Variants in ATP2B4 observed in about 807,000 individuals in gnomAD.
ATP2B4 encodes the protein ATPase plasma membrane Ca2+ transporting 4.
A neutral mutation model predicts 110.3 loss-of-function variants in ATP2B4; 39 were observed. That is an observed-to-expected ratio of 0.35 (90% CI 0.27 to 0.46). ATP2B4 has a LOEUF of 0.46. Ranked by LOEUF, ATP2B4 falls within the 20% of genes least tolerant of loss-of-function variation. The pLI is 1.00. For synonymous variants in ATP2B4, 538 were observed against 571.7 expected (o/e 0.94, Z 0.84); for missense variants, 1,135 against 1,530.9 (o/e 0.74, Z 4.32).
chr1:203,686,685 C>T (rs76058439), intron 2 of ATP2B4, among the ~76,000 whole-genome samples: 130 of 42,698 alleles, frequency 3.0e-3, no homozygotes, highest in East Asian at 0.011. Context: ...TCTTTTCTTT[C>T]TTTTTTTTTT....
rs1666981510 is a variant in ATP2B4 at position 203,740,756 on chromosome 1, C to A, written c.*902C>A. 6.6e-6 allele frequency: 1 copy of A among 152,406 alleles called. No individual in the cohort carries two copies. Among genetic ancestry groups the A allele is most frequent in the African/African-American group, 2.4e-5 (1 of 41,578 alleles). The allele number at this position is 152,406 out of a possible 1,614,324, so 9.4% of individuals were successfully genotyped here. On this transcript the variant is annotated 3_prime_UTR_variant, in exon 21 of 21. Transcript: ENST00000357681. ...TACAGTTTTTACCTGAAAGCCTGAG[C>A]TTTCTCTTATTCCTAAAGTGGTGGC...
chr1:203,724,541 C>T (rs1666446014), intron 19 of ATP2B4, among the ~76,000 whole-genome samples: 1 of 151,888 alleles, frequency 6.6e-6, no homozygotes, highest in Non-Finnish European at 1.5e-5. Flanking sequence ...AAGAAAAATC[C>T]CTTAGCTTCT....
At position 203,722,469 on chromosome 1, in the gene ATP2B4, C is replaced by A; in HGVS notation, c.2813-9C>A. The A allele has an allele frequency of 6.2e-7, 1 of 1,605,650 alleles. No homozygotes were observed. The highest frequency in any genetic ancestry group is 1.1e-5 in the South Asian group (1 of 90,898). On this transcript the variant is annotated splice_polypyrimidine_tract_variant and intron_variant, in intron 17 of 20. Transcript: ENST00000357681. ...ACTTAACCTCCAGTGCTTCTCCTCT[C>A]CCCACTAGGTGAGAAATTCTTTGAT...
At chr1:203,656,284 T>C (rs1450833091) in intron 1 of ATP2B4, among the ~76,000 whole-genome samples, 2 of 152,318 alleles carry the variant, frequency 1.3e-5, no homozygotes, top group East Asian at 1.9e-4. Context: ...TAATTCTTAA[T>C]ACCATTCTGA....
chr1:203,684,564 G>A (rs982152815), intron 2 of ATP2B4, among the ~76,000 whole-genome samples: 2 of 151,686 alleles, frequency 1.3e-5, no homozygotes, highest in African/African-American at 4.9e-5. Context: ...CACCCTGTGG[G>A]TCAGGCTGGT....
intron 1 of ATP2B4, among the ~76,000 whole-genome samples, chr1:203,635,335 C>G (rs750291661): frequency 6.6e-6 from 1 of 152,134 alleles, no homozygotes; most frequent in African/African-American, 2.4e-5. Flanking sequence ...GTGGTGCAGT[C>G]ATAGCTCACT....
intron 1 of ATP2B4, among the ~76,000 whole-genome samples, chr1:203,677,180 G>A (rs1271552624): frequency 2.0e-5 from 3 of 152,126 alleles, no homozygotes; most frequent in East Asian, 1.9e-4. Flanking sequence ...AACAGTGTAT[G>A]TAAGAATGAT....
At chr1:203,651,893 A>G (rs189497826) in intron 1 of ATP2B4, among the ~76,000 whole-genome samples, 67 of 151,590 alleles carry the variant, frequency 4.4e-4, no homozygotes, top group African/African-American at 1.4e-3. Context: ...CCCCGTCTCT[A>G]CTAAAAATAA....
rs376176284 is a variant in ATP2B4, at chr1:203,698,308, C to G, written c.345C>G (p.Ile115Met). 3.0e-5 allele frequency: 48 copies of G among 1,614,052 alleles called. No homozygotes were observed. The highest frequency in any genetic ancestry group is 3.9e-5 in the Non-Finnish European group (46 of 1,180,044). Residue 115 changes from isoleucine (I) to methionine (M), a missense_variant, in exon 3 of 21, where the codon ATC becomes ATG. Transcript: ENST00000357681. ...TLIILEIAAI[I>M]SLVLSFYRPA... ...TCATCCTGGAGATTGCAGCCATCAT[C>G]TCCCTGGTCCTGTCCTTTTATCGCC...
chr1:203,636,507 C>T (rs79248483), intron 1 of ATP2B4, among the ~76,000 whole-genome samples: 8,803 of 152,190 alleles, frequency 0.058, 309 homozygotes, highest in African/African-American at 0.094. Context: ...AGTCAATTCC[C>T]CTTCTGTGTT....
At chr1:203,723,857 G>A in intron 18 of ATP2B4, 24 bp from the exon 19 acceptor site, 1 of 1,568,786 alleles carries the variant, frequency 6.4e-7, no homozygotes, top group Non-Finnish European at 8.7e-7. Context: ...CCTTGATGGT[G>A]GGCTGCCCCT....
intron 2 of ATP2B4, among the ~76,000 whole-genome samples, chr1:203,696,083 C>T (rs185149250): frequency 4.3e-4 from 66 of 152,230 alleles, no homozygotes; most frequent in African/African-American, 1.5e-3. Context: ...CGCCACCACA[C>T]CCAGCTAATT....
chr1:203,671,228 C>A (rs145753618), intron 1 of ATP2B4, among the ~76,000 whole-genome samples: 1 of 152,198 alleles, frequency 6.6e-6, no homozygotes. Flanking sequence ...AGTCAGTTCA[C>A]GCTTTCAGCT....
chr1:203,733,754 CT>C, intron 20 of ATP2B4: 1 of 208,244 alleles, frequency 4.8e-6, no homozygotes, highest in Non-Finnish European at 9.5e-6. Context: ...TGTTGTTCCT[CT>C]CTTCTCCTCC....
chr1:203,649,733 G>A (rs1253967577), intron 1 of ATP2B4, among the ~76,000 whole-genome samples: 1 of 152,180 alleles, frequency 6.6e-6, no homozygotes, highest in African/African-American at 2.4e-5. Flanking sequence ...GGTTGAGGCT[G>A]CAGTGAGCCT....
intron 15 of ATP2B4, among the ~76,000 whole-genome samples, chr1:203,718,419 G>A (rs56777029): frequency 0.22 from 33,473 of 151,886 alleles, 4,179 homozygotes; most frequent in Admixed American, 0.37. Context: ...CTGCTTCAGC[G>A]TCCTGAGTAG....
chr1:203,679,284 T>A (rs532184554), intron 1 of ATP2B4, among the ~76,000 whole-genome samples: 18 of 152,300 alleles, frequency 1.2e-4, no homozygotes, highest in East Asian at 9.7e-4. Flanking sequence ...AGAGAACTCA[T>A]ACTCCGGAGA....
In ATP2B4 at chr1:203,700,991, C is replaced by T. The variant is rs1470216011; in HGVS notation, c.901+68C>T. The T allele has an allele frequency of 4.5e-6, 7 of 1,542,244 alleles. No individual in the cohort carries two copies. The South Asian group carries it at 8.3e-5, about 18-fold the overall frequency. ...ATGGACAAACAAGGAAGCGAGGGAG[C>T]AGATCTGGATAGAAAGCATGGTTGG... On this transcript the variant is annotated intron_variant, in intron 6 of 20. Coordinates refer to ENST00000357681, the MANE Select transcript of ATP2B4 (RefSeq NM_001684.5).
chr1:203,692,344 AT>A (rs926523523), intron 2 of ATP2B4, among the ~76,000 whole-genome samples: 18 of 151,940 alleles, frequency 1.2e-4, no homozygotes, highest in African/African-American at 4.4e-4. Context: ...TGTCCAGCTA[AT>A]TTTTTTTATT....
Sources: allele counts gnomAD v4.1 joint callset (sites outside exome capture counted in the v4.1 genomes callset), GRCh38; gene constraint gnomAD v4.1.1; transcripts MANE v1.5; gene names NCBI Gene and HGNC (gene_info 2026-07-23, HGNC 2026-07-21).